BRK1: variants seen among roughly 807,000 people sequenced by gnomAD.
The protein encoded by BRK1 is BRICK1 subunit of SCAR/WAVE actin nucleating complex.
A neutral mutation model predicts 9.9 loss-of-function variants in BRK1; 6 were observed. The ratio of observed to expected loss-of-function variants is 0.60; its 90% confidence interval spans 0.33 to 1.19. The LOEUF is 1.19. Among genes scored for constraint, BRK1 ranks in the 50% most tolerant of loss-of-function variants. BRK1 has a pLI of 0.04. For synonymous variants in BRK1, 44 were observed against 31.9 expected (o/e 1.38, Z -1.28); for missense variants, 62 against 97.5 (o/e 0.64, Z 1.53).
chr3:10,122,556 C>A (rs1695772224), intron 1 of BRK1, among the ~76,000 whole-genome samples: 3 of 148,924 alleles, frequency 2.0e-5, no homozygotes, highest in African/African-American at 7.5e-5. Context: ...AAACAAAAAA[C>A]AAAAAAATTA....
chr3:10,117,393 CT>C lies in BRK1; in HGVS notation c.118+1594del, dbSNP rs756307171. On this transcript the variant is annotated intron_variant, in intron 1 of 2. Coordinates refer to ENST00000530758, the MANE Select transcript of BRK1 (RefSeq NM_018462.5). ...CTTTATTTGGGCTTTTCAACAAATT[CT>C]TTTTTTTTTTTTTTTTTTTGAGACA... is the stretch of plus-strand genomic sequence containing the variant. Among the ~76,000 whole-genome samples, 5,968 of 118,586 alleles carry C rather than the reference CT, an allele frequency of 0.05. 76 individuals are homozygous for C. The highest frequency in any genetic ancestry group is 0.067 in the South Asian group (241 of 3,580). The allele number at this position is 118,586 out of a possible 152,430, so 77.8% of individuals were successfully genotyped here.
intron 1 of BRK1, among the ~76,000 whole-genome samples, chr3:10,125,191 C>G (rs553595897): frequency 2.8e-5 from 3 of 106,882 alleles, no homozygotes; most frequent in African/African-American, 9.7e-5. Flanking sequence ...CAACCTTTGC[C>G]CCCCCCGGTT....
chr3:10,119,441 G>A (rs781535094), intron 1 of BRK1, among the ~76,000 whole-genome samples: 38 of 152,172 alleles, frequency 2.5e-4, no homozygotes, highest in Non-Finnish European at 5.0e-4. Flanking sequence ...CTGGGTGACA[G>A]AGTGAGACTC....
chr3:10,116,175 C>T (rs970031109), intron 1 of BRK1, among the ~76,000 whole-genome samples: 1 of 152,212 alleles, frequency 6.6e-6, no homozygotes, highest in Non-Finnish European at 1.5e-5. Context: ...CCCCACTTTG[C>T]ACTCAAAGTG....
chr3:10,121,352 C>T (rs1418717095), intron 1 of BRK1, among the ~76,000 whole-genome samples: 1 of 152,140 alleles, frequency 6.6e-6, no homozygotes, highest in African/African-American at 2.4e-5. Flanking sequence ...GGCTGGAGAC[C>T]TGGGGTATAA....
At chr3:10,122,500 G>GT (rs1695771232) in intron 1 of BRK1, among the ~76,000 whole-genome samples, 2 of 151,906 alleles carry the variant, frequency 1.3e-5, no homozygotes, top group East Asian at 3.9e-4. Flanking sequence ...GAGTTCAGGA[G>GT]TTTGAGATCA....
chr3:10,115,872 G>A (rs915925089), intron 1 of BRK1, 53 bp downstream of exon 1: 2 of 1,438,028 alleles, frequency 1.4e-6, no homozygotes, highest in African/African-American at 2.8e-5. Flanking sequence ...TGAGGTGGTT[G>A]GGCTGGGGCG....
rs191458365 is a variant in BRK1, at chr3:10,122,255, T to C, written c.119-3371T>C. Among the ~76,000 whole-genome samples, 166 of 152,216 alleles carry C rather than the reference T, an allele frequency of 1.1e-3. 1 individual carries two copies. Among genetic ancestry groups the C allele is most frequent in the Non-Finnish European group, 2.0e-3 (134 of 68,018 alleles). On this transcript the variant is annotated intron_variant, in intron 1 of 2. Coordinates refer to ENST00000530758, the MANE Select transcript of BRK1 (RefSeq NM_018462.5). The stretch of plus-strand genomic sequence containing the variant: ...ACTTTCAATGGCTATTTTAATAGTC[T>C]CATTAATACGCTATATCAAACCATT...
intron 1 of BRK1, among the ~76,000 whole-genome samples, chr3:10,119,143 CAAA>C (rs74416793): frequency 7.4e-5 from 5 of 67,426 alleles, no homozygotes; most frequent in Admixed American, 1.7e-4. Flanking sequence ...GACTCCATCT[CAAA>C]AAAAAAAAAA....
intron 1 of BRK1, among the ~76,000 whole-genome samples, chr3:10,117,677 C>G (rs1212389799): frequency 1.3e-5 from 2 of 151,826 alleles, no homozygotes; most frequent in Non-Finnish European, 2.9e-5. Flanking sequence ...GATTACAGGC[C>G]TGAGCCACTG....
At chr3:10,123,331 C>G (rs1170301332) in intron 1 of BRK1, among the ~76,000 whole-genome samples, 2 of 152,142 alleles carry the variant, frequency 1.3e-5, no homozygotes, top group Admixed American at 6.6e-5. Flanking sequence ...TTCTGAAAGG[C>G]CTTTGCCTCT....
At chr3:10,116,564 T>C (rs1293144995) in intron 1 of BRK1, among the ~76,000 whole-genome samples, 1 of 152,176 alleles carries the variant, frequency 6.6e-6, no homozygotes, top group Non-Finnish European at 1.5e-5. Flanking sequence ...TTCTTCCTTA[T>C]GAACAGCAAG....
intron 2 of BRK1, 110 bp downstream of exon 2, chr3:10,125,818 T>C: frequency 5.2e-6 from 4 of 766,056 alleles, no homozygotes; most frequent in Non-Finnish European, 8.5e-6. Flanking sequence ...TGGCCGGACA[T>C]GGTGGCTCAC....
chr3:10,126,193 G>T, intron 2 of BRK1, 76 bp from the exon 3 acceptor site: 3 of 1,055,960 alleles, frequency 2.8e-6, no homozygotes, highest in Non-Finnish European at 2.7e-6. Flanking sequence ...CACTGCCTAG[G>T]ATCTAAAGAT....
At chr3:10,115,853 G>C in intron 1 of BRK1, 34 bp downstream of exon 1, 1 of 1,564,258 alleles carries the variant, frequency 6.4e-7, no homozygotes, top group East Asian at 2.2e-5. Flanking sequence ...CGGGGAGGAG[G>C]GAGGCCGCTG....
At chr3:10,119,969 G>A (rs1181833828) in intron 1 of BRK1, among the ~76,000 whole-genome samples, 2 of 152,018 alleles carry the variant, frequency 1.3e-5, no homozygotes, top group Non-Finnish European at 2.9e-5. Flanking sequence ...CCACTCCTAA[G>A]ACATTCAGAA....
At chr3:10,115,884 CG>C in intron 1 of BRK1, 65 bp downstream of exon 1, 1 of 1,311,064 alleles carries the variant, frequency 7.6e-7, no homozygotes, top group Non-Finnish European at 1.1e-6. Context: ...GCTGGGGCGC[CG>C]GGGAGATGCT....
chr3:10,121,559 G>A lies in BRK1; in HGVS notation c.119-4067G>A, dbSNP rs148566381. ...ACCAGAATCCATCTTTTTTTTTTCAGTCAACATCTATGTACCAGGCAAGAT... is the reference window on the plus strand; with the variant it reads ...ACCAGAATCCATCTTTTTTTTTTCAATCAACATCTATGTACCAGGCAAGAT... On this transcript the variant is annotated intron_variant, in intron 1 of 2. Transcript: ENST00000530758. Among the ~76,000 whole-genome samples the A allele has an allele frequency of 5.2e-3, 778 of 150,410 alleles. 18 individuals carry two copies. In the South Asian group the frequency reaches 0.058, roughly 11 times the overall value.
chr3:10,125,848 T>C, intron 2 of BRK1, 140 bp downstream of exon 2: 1 of 610,582 alleles, frequency 1.6e-6, no homozygotes, highest in Non-Finnish European at 2.8e-6. Flanking sequence ...CCCAGCACTT[T>C]GGGAGGCCAA....
Sources: gnomAD v4.1 joint callset for allele counts (sites outside exome capture counted in the v4.1 genomes callset) on GRCh38, gnomAD v4.1.1 for gene constraint, MANE v1.5 for transcripts, NCBI Gene and HGNC (gene_info 2026-07-23, HGNC 2026-07-21) for gene names.